Variants in SNCAIP observed in about 807,000 individuals in gnomAD.
The protein encoded by SNCAIP is synuclein alpha interacting protein.
Under a neutral mutation model 86.7 loss-of-function variants are expected in SNCAIP, and 43 were observed. The observed-to-expected ratio is 0.50, with a 90% CI of 0.39 to 0.64. The LOEUF is 0.64. Among genes scored for constraint, SNCAIP ranks in the 30% least tolerant of loss-of-function variants. The pLI is 0.00. For synonymous variants in SNCAIP, 417 were observed against 427.2 expected, an observed-to-expected ratio of 0.98 and a Z score of 0.29; for missense variants, 981 against 1,103.1, an observed-to-expected ratio of 0.89 and a Z score of 1.57.
intron 1 of SNCAIP, among the ~76,000 whole-genome samples, chr5:122,338,897 A>T (rs1484156712): frequency 6.6e-6 from 1 of 152,190 alleles, no homozygotes; most frequent in Non-Finnish European, 1.5e-5. Context: ...TAGAATGGTG[A>T]CATTTGACCA....
At chr5:122,378,316 T>G (rs1290285241) in intron 1 of SNCAIP, among the ~76,000 whole-genome samples, 1 of 138,588 alleles carries the variant, frequency 7.2e-6, no homozygotes, top group Non-Finnish European at 1.6e-5. Flanking sequence ...TTTCATGTGT[T>G]TTTTGGCTGC....
At chr5:122,401,889 G>A (rs1771893666) in intron 2 of SNCAIP, among the ~76,000 whole-genome samples, 1 of 152,194 alleles carries the variant, frequency 6.6e-6, no homozygotes, top group Non-Finnish European at 1.5e-5. Flanking sequence ...GAATACATCA[G>A]AGATTCTGAT....
intron 3 of SNCAIP, among the ~76,000 whole-genome samples, chr5:122,409,008 A>G (rs1203061084): frequency 1.3e-5 from 2 of 152,160 alleles, no homozygotes; most frequent in Non-Finnish European, 2.9e-5. Context: ...AGCTGACTCA[A>G]TTGAGGAATA....
intron 1 of SNCAIP, among the ~76,000 whole-genome samples, chr5:122,385,543 C>A (rs1043877495): frequency 2.2e-4 from 33 of 152,166 alleles, no homozygotes; most frequent in African/African-American, 7.7e-4. Flanking sequence ...TCTACCCAGA[C>A]CTTCCAGTAC....
At chr5:122,319,110 TTTGA>T (rs1752420507) in intron 1 of SNCAIP, among the ~76,000 whole-genome samples, 1 of 152,038 alleles carries the variant, frequency 6.6e-6, no homozygotes, top group African/African-American at 2.4e-5. Flanking sequence ...AGAATAAAGC[TTTGA>T]TTGGGCTCTT....
chr5:122,442,834 TTTGGCACTGGGTACCATGG>T, intron 7 of SNCAIP, among the ~76,000 whole-genome samples: 2 of 152,284 alleles, frequency 1.3e-5, no homozygotes, highest in East Asian at 3.9e-4. Context: ...AAATGATATT[TTTGGCACTGGGTACCATGG>T]AAGTGGAAAC....
chr5:122,426,944 G>C (rs915728727), intron 5 of SNCAIP, among the ~76,000 whole-genome samples: 2 of 152,152 alleles, frequency 1.3e-5, no homozygotes, highest in Non-Finnish European at 2.9e-5. Context: ...ATTATTGCTA[G>C]TGGATAAGAC....
At chr5:122,429,557 G>A (rs1016483155) in intron 5 of SNCAIP, among the ~76,000 whole-genome samples, 16 of 151,462 alleles carry the variant, frequency 1.1e-4, no homozygotes, top group Non-Finnish European at 1.9e-4. Flanking sequence ...TGCTTAAACC[G>A]TCTTGCCTAG....
chr5:122,356,800 C>T (rs1761101029), intron 1 of SNCAIP, among the ~76,000 whole-genome samples: 2 of 152,172 alleles, frequency 1.3e-5, no homozygotes, highest in African/African-American at 4.8e-5. Context: ...TGAGTCTGCC[C>T]GCTAGTATTA....
At chr5:122,312,958 G>A (rs760289627) in intron 1 of SNCAIP, 1 of 152,216 alleles carries the variant, frequency 6.6e-6, no homozygotes, top group Non-Finnish European at 1.5e-5. Context: ...AATTGTCAAA[G>A]GCCACATTTT....
chr5:122,412,088 G>C (rs1162984560), intron 3 of SNCAIP, among the ~76,000 whole-genome samples: 2 of 152,116 alleles, frequency 1.3e-5, no homozygotes, highest in Admixed American at 1.3e-4. Context: ...GCCTCCTTCA[G>C]TTCTTCAAAT....
rs1776757567 is a variant in SNCAIP, at chr5:122,423,303, G to T, written c.566G>T (p.Gly189Val). 5 of 1,614,004 alleles carry T rather than the reference G, an allele frequency of 3.1e-6. No homozygotes were observed. In the East Asian group the frequency reaches 1.1e-4, roughly 36 times the overall value. Residue 189 changes from glycine to valine, a missense_variant, in exon 4 of 11, where the codon GGC becomes GTC. Coordinates refer to ENST00000261368, the MANE Select transcript of SNCAIP (RefSeq NM_005460.4). ...TGCACAACCATCAATGGCCTTTCTG[G>T]CAAAGCCTGCTCTACAGGAAGTTCT... ...GLCTTINGLS[G>V]KACSTGSSES...
At position 122,425,365 on chromosome 5, in the gene SNCAIP, CA is replaced by C; in HGVS notation, c.1017del (p.Asp340ThrfsTer3). 6.2e-7 allele frequency: 1 copy of C among 1,613,502 alleles called. No homozygotes were observed. The highest frequency in any genetic ancestry group is 8.5e-7 in the Non-Finnish European group (1 of 1,179,410). On this transcript the variant is annotated frameshift_variant, in exon 5 of 11. Coordinates refer to ENST00000261368, the MANE Select transcript of SNCAIP (RefSeq NM_005460.4). LOFTEE classifies it high-confidence loss of function. ...CTATTTATACAGCCACACCTAGCTG[CA>C]GACAATCTAGACAAAATTCACGACG... is the stretch of plus-strand genomic sequence containing the variant. ...GQISLLPHLAADNLDKIHDEN... is the reference protein window; with the variant it reads ...GQISLLPHLAXDNLDKIHDEN...
intron 1 of SNCAIP, among the ~76,000 whole-genome samples, chr5:122,364,495 A>C (rs1580709227): frequency 6.6e-6 from 1 of 152,222 alleles, no homozygotes; most frequent in Non-Finnish European, 1.5e-5. Context: ...TTGTTCAGCT[A>C]TTTGACATAG....
intron 1 of SNCAIP, among the ~76,000 whole-genome samples, chr5:122,370,942 C>A (rs1245610769): frequency 6.6e-6 from 1 of 151,996 alleles, no homozygotes; most frequent in African/African-American, 2.4e-5. Flanking sequence ...TTTATCATGC[C>A]AAAACTGAAT....
chr5:122,425,745 G>C (rs770305507), intron 5 of SNCAIP, among the ~76,000 whole-genome samples: 6 of 152,182 alleles, frequency 3.9e-5, no homozygotes, highest in Non-Finnish European at 8.8e-5. Context: ...CTACTAAAGA[G>C]AAAGGAAAAT....
chr5:122,353,691 C>T (rs532032029), intron 1 of SNCAIP, among the ~76,000 whole-genome samples: 9 of 152,278 alleles, frequency 5.9e-5, no homozygotes, highest in East Asian at 3.9e-4. Flanking sequence ...CTTTGCTTCC[C>T]GCCATCCATG....
At chr5:122,346,025 A>G (rs1758561110) in intron 1 of SNCAIP, among the ~76,000 whole-genome samples, 1 of 152,122 alleles carries the variant, frequency 6.6e-6, no homozygotes, top group African/African-American at 2.4e-5. Context: ...AGAAAGAGGG[A>G]AAAGAGGAGA....
At chr5:122,407,045 G>A (rs1219671926) in intron 3 of SNCAIP, among the ~76,000 whole-genome samples, 3 of 152,092 alleles carry the variant, frequency 2.0e-5, no homozygotes, top group Admixed American at 6.6e-5. Context: ...GTGTCCTCTG[G>A]CCCAGGTACT....
Sources: gnomAD v4.1 joint callset for allele counts (sites outside exome capture counted in the v4.1 genomes callset) on GRCh38, gnomAD v4.1.1 for gene constraint, MANE v1.5 for transcripts, NCBI Gene and HGNC (gene_info 2026-07-23, HGNC 2026-07-21) for gene names.